Variants in MSI2 observed in about 807,000 individuals in gnomAD.
The protein encoded by MSI2 is RNA-binding protein Musashi homolog 2.
Under a neutral mutation model 45.6 loss-of-function variants are expected in MSI2, and 17 were observed. The observed-to-expected ratio is 0.37, with a 90% confidence interval of 0.26 to 0.56. MSI2 has a LOEUF of 0.56. MSI2 is among the 20% of genes least tolerant of loss of function. MSI2 has a pLI of 0.77. For synonymous variants in MSI2, 156 were observed against 158.2 expected, an observed-to-expected ratio of 0.99 and a Z score of 0.11; for missense variants, 293 against 444.2, an observed-to-expected ratio of 0.66 and a Z score of 3.06.
rs1911259795 is a variant in MSI2, at chr17:57,652,704, C to T, written c.790+543C>T. On this transcript the variant is annotated intron_variant, in intron 11 of 13. Coordinates refer to ENST00000284073, the MANE Select transcript of MSI2 (RefSeq NM_138962.4). The surrounding 1 kb of genome is among the most constrained non-coding windows in gnomAD (Gnocchi z 4.1). ...TTCTGGAGCCGCTGTGCCTCCCAGA[C>T]TCTTCTTAGCCAGACTCCTCAGCTC... Among the ~76,000 whole-genome samples the T allele has an allele frequency of 6.6e-6, 1 of 152,242 alleles. No individual in the cohort carries two copies. The highest frequency in any genetic ancestry group is 2.4e-5 in the African/African-American group (1 of 41,458).
chr17:57,332,743 AGGCCGGGCATGGT>A (rs1262709308), intron 5 of MSI2, among the ~76,000 whole-genome samples: 2 of 152,230 alleles, frequency 1.3e-5, no homozygotes, highest in African/African-American at 4.8e-5. Flanking sequence ...GTATGGATGC[AGGCCGGGCATGGT>A]GGCTCAAGCC....
the MSI2 span, among the ~76,000 whole-genome samples, chr17:57,696,618 C>T: frequency 6.6e-6 from 1 of 152,084 alleles, no homozygotes; most frequent in South Asian, 2.1e-4. Context: ...GCCTGTAATT[C>T]CAGCTGCTTG....
intron 7 of MSI2, among the ~76,000 whole-genome samples, chr17:57,584,883 A>G (rs1010438372): frequency 2.0e-5 from 3 of 151,394 alleles, no homozygotes; most frequent in African/African-American, 7.3e-5. Flanking sequence ...ATGCATTGGC[A>G]TGATCGCGGC....
At chr17:57,290,923 C>T (rs546651850) in intron 5 of MSI2, among the ~76,000 whole-genome samples, 1 of 152,338 alleles carries the variant, frequency 6.6e-6, no homozygotes, top group South Asian at 2.1e-4. Flanking sequence ...TCTGCCCACG[C>T]TGGGGGGCCT....
intron 7 of MSI2, among the ~76,000 whole-genome samples, chr17:57,550,197 C>T (rs1255594865): frequency 6.6e-6 from 1 of 152,146 alleles, no homozygotes; most frequent in Non-Finnish European, 1.5e-5. Flanking sequence ...AGGGGGCTTG[C>T]AGAACTGTTC....
Position 57,510,652 on chromosome 17 carries a change from T to A in MSI2, c.406-19024T>A, listed in dbSNP as rs796139379. On this transcript the variant is annotated intron_variant, in intron 6 of 13. Transcript: ENST00000284073. The stretch of plus-strand genomic sequence containing the variant: ...CATGTTGGCCAGGCTGGTCTCAAAC[T>A]CCTGACCTCAGGTGATCCACCCACC... Among the ~76,000 whole-genome samples, 495 of 151,596 alleles carry A rather than the reference T, an allele frequency of 3.3e-3. 3 individuals are homozygous for A. Among genetic ancestry groups the A allele is most frequent in the African/African-American group, 0.011 (448 of 40,960 alleles).
chr17:57,467,345 G>A (rs370502631), intron 6 of MSI2, among the ~76,000 whole-genome samples: 1 of 152,194 alleles, frequency 6.6e-6, no homozygotes. Context: ...AAAGGAAGAA[G>A]TGTGAATGGA....
chr17:57,661,449 T>C lies in MSI2; in HGVS notation c.790+9288T>C, dbSNP rs371687491. Reference sequence around the variant, plus strand: ...GGAGATCTTGAAAGCCATGTTGATATAGTCACAGGAGAGGGAGGTTCGTAT... The same window carrying C: ...GGAGATCTTGAAAGCCATGTTGATACAGTCACAGGAGAGGGAGGTTCGTAT... On this transcript the variant is annotated intron_variant, in intron 11 of 13. Coordinates refer to ENST00000284073, the MANE Select transcript of MSI2 (RefSeq NM_138962.4). Among the ~76,000 whole-genome samples the C allele has an allele frequency of 3.3e-5, 5 of 152,234 alleles. No individual in the cohort carries two copies. In the East Asian group the frequency reaches 7.7e-4, roughly 24 times the overall value.
chr17:57,302,951 G>A (rs1363808453), intron 5 of MSI2, among the ~76,000 whole-genome samples: 1 of 152,184 alleles, frequency 6.6e-6, no homozygotes, highest in Non-Finnish European at 1.5e-5. Context: ...GTAGAAACTG[G>A]CCGAGTGAGG....
intron 5 of MSI2, chr17:57,265,196 G>C (rs1207209009): frequency 6.6e-6 from 1 of 152,192 alleles, no homozygotes; most frequent in Non-Finnish European, 1.5e-5. Context: ...ACTTTAAGTC[G>C]ACCCTGATTT....
chr17:57,679,525 A>G (rs1364357581), intron 13 of MSI2, 24 bp from the exon 14 acceptor site: 2 of 1,050,976 alleles, frequency 1.9e-6, no homozygotes, highest in African/African-American at 1.7e-5. Flanking sequence ...TCTTCTGGAC[A>G]TCCTGGCCTT....
intron 6 of MSI2, among the ~76,000 whole-genome samples, chr17:57,481,749 G>A (rs556270818): frequency 6.6e-6 from 1 of 152,240 alleles, no homozygotes; most frequent in South Asian, 2.1e-4. Flanking sequence ...GGTAAGACTC[G>A]GCCTCAAAGG....
chr17:57,268,287 A>C (rs936468359), intron 5 of MSI2: 1 of 152,222 alleles, frequency 6.6e-6, no homozygotes, highest in Non-Finnish European at 1.5e-5. Flanking sequence ...GGGGCAAATA[A>C]GCAGTGAGCA....
At chr17:57,465,514 C>T (rs2085313594) in intron 6 of MSI2, among the ~76,000 whole-genome samples, 2 of 152,088 alleles carry the variant, frequency 1.3e-5, no homozygotes, top group South Asian at 4.1e-4. Context: ...TGGTGTCAAA[C>T]TGTTGATCTT....
At chr17:57,594,118 G>A (rs1905075982) in intron 7 of MSI2, among the ~76,000 whole-genome samples, 1 of 152,234 alleles carries the variant, frequency 6.6e-6, no homozygotes, top group East Asian at 1.9e-4. Flanking sequence ...GTGTGTGTTA[G>A]GGGCCCTGTT....
chr17:57,424,986 C>T (rs2084464817), intron 6 of MSI2, among the ~76,000 whole-genome samples: 1 of 152,192 alleles, frequency 6.6e-6, no homozygotes, highest in African/African-American at 2.4e-5. Context: ...GCCCCATTTC[C>T]TTCCTGGGGC....
chr17:57,541,580 A>G (rs2087047332), intron 7 of MSI2, among the ~76,000 whole-genome samples: 1 of 152,198 alleles, frequency 6.6e-6, no homozygotes, highest in African/African-American at 2.4e-5. Context: ...AACATTTGCC[A>G]ATTCAATCCT....
At chr17:57,347,585 G>C (rs148592327) in intron 5 of MSI2, among the ~76,000 whole-genome samples, 113 of 152,214 alleles carry the variant, frequency 7.4e-4, no homozygotes, top group African/African-American at 2.6e-3. Flanking sequence ...TGAAACCCAT[G>C]GTACTTATAT....
intron 6 of MSI2, among the ~76,000 whole-genome samples, chr17:57,414,690 C>T (rs751322914): frequency 5.5e-4 from 83 of 152,136 alleles, no homozygotes; most frequent in Non-Finnish European, 9.7e-4. Context: ...ATGAGCCACC[C>T]TGCCCAGCCA....
Sources: allele counts gnomAD v4.1 joint callset (sites outside exome capture counted in the v4.1 genomes callset), GRCh38; gene constraint gnomAD v4.1.1; non-coding constraint Gnocchi (gnomAD v3.1); transcripts MANE v1.5; gene names NCBI Gene and HGNC (gene_info 2026-07-23, HGNC 2026-07-21).